TFDP1: variants seen among roughly 807,000 people sequenced by gnomAD.
TFDP1 encodes transcription factor Dp-1.
TFDP1 carries 6 observed loss-of-function variants against 48.0 expected under a neutral mutation model. The ratio of observed to expected loss-of-function variants is 0.13; its 90% confidence interval spans 0.07 to 0.25. The LOEUF (loss-of-function observed/expected upper bound fraction) is 0.25, where lower values mean the gene tolerates loss of function less well. Ranked by LOEUF, TFDP1 falls within the 10% of genes least tolerant of loss-of-function variation. TFDP1 has a pLI of 1.00. For synonymous variants in TFDP1, 201 were observed against 211.6 expected (o/e 0.95, Z 0.44); for missense variants, 335 against 543.0 (o/e 0.62, Z 3.81).
chr13:113,638,151 A>G (rs2049544188), intron 11 of TFDP1, among the ~76,000 whole-genome samples: 1 of 152,224 alleles, frequency 6.6e-6, no homozygotes, highest in African/African-American at 2.4e-5. Context: ...TAAGTAAAGT[A>G]GGAATGAAAA....
chr13:113,596,932 G>A (rs960939422), intron 2 of TFDP1, among the ~76,000 whole-genome samples: 4 of 152,322 alleles, frequency 2.6e-5, no homozygotes, highest in South Asian at 4.1e-4. Flanking sequence ...GCGTCCCCTC[G>A]CCCCAGCCTG....
intron 2 of TFDP1, among the ~76,000 whole-genome samples, chr13:113,609,154 G>C (rs1280393280): frequency 1.3e-5 from 2 of 152,228 alleles, no homozygotes; most frequent in Non-Finnish European, 2.9e-5. Flanking sequence ...AGCGCCTCCT[G>C]GGTGCAGTCA....
rs1344431388 is a variant in TFDP1, at chr13:113,637,879, CA to C, written c.1069del (p.Thr357GlnfsTer8). The C allele has an allele frequency of 6.2e-7, 1 of 1,613,690 alleles. No homozygotes were observed. The highest frequency in any genetic ancestry group is 8.5e-7 in the Non-Finnish European group (1 of 1,179,972). On this transcript the variant is annotated frameshift_variant, in exon 11 of 12. Transcript: ENST00000375370. LOFTEE classifies it high-confidence loss of function. Reference sequence around the variant, plus strand: ...CGACGGCAGGTTCCACGTCTAACGGCACAAGGTTCTCTGCCAGGTGACAGTC... The same window carrying C: ...CGACGGCAGGTTCCACGTCTAACGGCCAAGGTTCTCTGCCAGGTGACAGTC... ...ITTAGSTSNG[T>X]RFSASDLTNG... is the part of the protein sequence containing the mutation.
chr13:113,628,259 G>A (rs1234208168), intron 4 of TFDP1, among the ~76,000 whole-genome samples: 3 of 151,992 alleles, frequency 2.0e-5, no homozygotes, highest in Non-Finnish European at 1.5e-5. Flanking sequence ...GACTGTGTCT[G>A]AAGCCGTGTA....
chr13:113,635,020 T>C (rs1437032785), intron 8 of TFDP1, among the ~76,000 whole-genome samples: 4 of 152,254 alleles, frequency 2.6e-5, no homozygotes, highest in South Asian at 2.1e-4. Context: ...AAAGCAACAT[T>C]TGAAAAATCT....
At chr13:113,605,146 G>A (rs1011624590) in intron 2 of TFDP1, among the ~76,000 whole-genome samples, 3 of 151,972 alleles carry the variant, frequency 2.0e-5, no homozygotes, top group Admixed American at 1.3e-4. Context: ...GTCAGTTGGG[G>A]CGGGGGGGCG....
rs71101595 is a variant in TFDP1 at position 113,591,009 on chromosome 13, CAAA to C, written c.12+5179_12+5181del. Reference sequence around the variant, plus strand: ...TGGGCGACAGAGCGAGACTCTGTCTCAAAAAAAAAAAAAAAAAAAAAGAAAAAG... The same window carrying C: ...TGGGCGACAGAGCGAGACTCTGTCTCAAAAAAAAAAAAAAAAAAGAAAAAG... On this transcript the variant is annotated intron_variant, in intron 2 of 11. Transcript: ENST00000375370. Among the ~76,000 whole-genome samples, 64 of 59,854 alleles carry C rather than the reference CAAA, an allele frequency of 1.1e-3. 1 individual carries two copies. Among genetic ancestry groups the C allele is most frequent in the Non-Finnish European group, 1.1e-3 (36 of 33,036 alleles). The allele number at this position is 59,854 out of a possible 152,430, so 39.3% of individuals were successfully genotyped here.
intron 4 of TFDP1, among the ~76,000 whole-genome samples, chr13:113,625,881 C>T (rs77736666): frequency 0.22 from 14,012 of 63,874 alleles, 14 homozygotes; most frequent in Middle Eastern, 0.3. Flanking sequence ...GTCTCTCACG[C>T]GTCCTCAGGT....
At chr13:113,588,690 G>A (rs527626651) in intron 2 of TFDP1, among the ~76,000 whole-genome samples, 34 of 151,732 alleles carry the variant, frequency 2.2e-4, no homozygotes, top group African/African-American at 8.2e-4. Flanking sequence ...TGATGGTGTA[G>A]TAGTTAGAGA....
chr13:113,618,819 G>A (rs1468421634), intron 3 of TFDP1, among the ~76,000 whole-genome samples: 1 of 152,254 alleles, frequency 6.6e-6, no homozygotes, highest in Non-Finnish European at 1.5e-5. Context: ...AAGGAAATCA[G>A]CCTGACGGCT....
intron 3 of TFDP1, among the ~76,000 whole-genome samples, chr13:113,619,879 C>G (rs934035014): frequency 6.6e-6 from 1 of 152,146 alleles, no homozygotes; most frequent in African/African-American, 2.4e-5. Context: ...AGGCCTTGGG[C>G]TCCGAAACCC....
chr13:113,620,850 T>G (rs2048978840), intron 3 of TFDP1, among the ~76,000 whole-genome samples: 1 of 152,256 alleles, frequency 6.6e-6, no homozygotes, highest in Non-Finnish European at 1.5e-5. Flanking sequence ...GAATTTTAAA[T>G]ATGTGCTGAC....
intron 1 of TFDP1, 90 bp from the exon 2 acceptor site, chr13:113,585,684 G>C (rs1208111535): frequency 2.2e-5 from 17 of 756,184 alleles, no homozygotes; most frequent in Non-Finnish European, 3.5e-5. Flanking sequence ...GAAGGTCCGC[G>C]TTTCCTTTGA....
At chr13:113,637,175 T>C (rs1026173303) in intron 10 of TFDP1, 6 of 175,806 alleles carry the variant, frequency 3.4e-5, no homozygotes, top group Non-Finnish European at 2.4e-5. Context: ...GAGCTTTTTT[T>C]CTGTTCTGGT....
rs371385894 is a variant in TFDP1, at chr13:113,633,259, G to A, written c.448G>A (p.Asp150Asn). Residue 150 changes from aspartate to asparagine, a missense_variant, in exon 6 of 12, where the codon GAC becomes AAC. By Grantham distance (23) the Asp-to-Asn change is conservative. Coordinates refer to ENST00000375370, the MANE Select transcript of TFDP1 (RefSeq NM_007111.5). The surrounding 1 kb of genome is among the most constrained non-coding windows in gnomAD (Gnocchi z 4.5). ...DELVAEFSAA[D>N]NHILPNESAY... is the part of the protein sequence containing the mutation. The stretch of plus-strand genomic sequence containing the variant: ...GCTGGTTGCGGAGTTCAGTGCTGCC[G>A]ACAACCACATCTTACCAAACGAGTC... 14 of 1,613,912 alleles carry A rather than the reference G, an allele frequency of 8.7e-6. No homozygotes were observed. The highest frequency in any genetic ancestry group is 1.1e-5 in the Non-Finnish European group (13 of 1,179,968).
intron 3 of TFDP1, among the ~76,000 whole-genome samples, chr13:113,613,264 T>C (rs547938018): frequency 6.6e-6 from 1 of 152,362 alleles, no homozygotes; most frequent in East Asian, 1.9e-4. Flanking sequence ...TCCGCCCACC[T>C]TGGCCTCCCA....
intron 7 of TFDP1, 168 bp from the exon 8 acceptor site, chr13:113,634,366 A>C (rs2049416666): frequency 4.6e-6 from 3 of 658,624 alleles, no homozygotes; most frequent in Non-Finnish European, 8.1e-6. Context: ...TGGAAAAAAA[A>C]CTCACCTATA....
chr13:113,616,441 AC>A (rs1469190109), intron 3 of TFDP1, among the ~76,000 whole-genome samples: 2 of 152,088 alleles, frequency 1.3e-5, no homozygotes, highest in Non-Finnish European at 2.9e-5. Context: ...GCGCTCAGGT[AC>A]AGATCATGGC....
At chr13:113,621,940 T>G (rs2140473080) in intron 3 of TFDP1, among the ~76,000 whole-genome samples, 1 of 152,350 alleles carries the variant, frequency 6.6e-6, no homozygotes, top group East Asian at 1.9e-4. Context: ...TTCCATCCTG[T>G]ACACCTGGCT....
Sources: allele counts gnomAD v4.1 joint callset (sites outside exome capture counted in the v4.1 genomes callset), GRCh38; gene constraint gnomAD v4.1.1; non-coding constraint Gnocchi (gnomAD v3.1); transcripts MANE v1.5; gene names NCBI Gene and HGNC (gene_info 2026-07-23, HGNC 2026-07-21).